RALB: variants seen among roughly 807,000 people sequenced by gnomAD.
RALB encodes the protein ras-related protein Ral-B.
RALB carries 16 observed loss-of-function variants against 21.3 expected under a neutral mutation model. The observed-to-expected ratio is 0.75, with a 90% CI of 0.51 to 1.14. The LOEUF is 1.14. RALB is among the 50% of genes most tolerant of loss of function. The pLI is 0.00. For missense variants in RALB, 161 were observed against 256.2 expected (o/e 0.63, Z 2.54); for synonymous variants, 93 against 96.1 (o/e 0.97, Z 0.19).
At chr2:120,248,701 A>G (rs1316816680), upstream of RALB, among the ~76,000 whole-genome samples, 1 of 152,208 alleles carries the variant, frequency 6.6e-6, no homozygotes, top group African/African-American at 2.4e-5. Context: ...CGTCCAGGCT[A>G]GGGTGCAGTG....
intron 1 of RALB, among the ~76,000 whole-genome samples, chr2:120,260,118 C>T (rs762348671): frequency 4.6e-5 from 7 of 152,260 alleles, no homozygotes; most frequent in Admixed American, 1.3e-4. Context: ...GCCCCGGTTC[C>T]TGCTCGTGCC....
intron 1 of RALB, among the ~76,000 whole-genome samples, chr2:120,273,380 G>A (rs890831675): frequency 2.0e-5 from 3 of 152,176 alleles, no homozygotes; most frequent in Non-Finnish European, 2.9e-5. Context: ...CATCTCAAAA[G>A]ACCAATCTTA....
At chr2:120,277,877 ATGAG>A (rs1689870078) in intron 1 of RALB, among the ~76,000 whole-genome samples, 1 of 149,522 alleles carries the variant, frequency 6.7e-6, no homozygotes, top group African/African-American at 2.5e-5. Flanking sequence ...ATGTGAGAAC[ATGAG>A]TGTGAAAATG....
intron 1 of RALB, among the ~76,000 whole-genome samples, chr2:120,267,948 T>C (rs945802883): frequency 2.0e-5 from 3 of 152,122 alleles, no homozygotes; most frequent in South Asian, 2.1e-4. Flanking sequence ...CGAGCCACCA[T>C]GCCCAGCTAA....
chr2:120,258,535 G>A (rs1280892636), intron 1 of RALB, among the ~76,000 whole-genome samples: 2 of 152,212 alleles, frequency 1.3e-5, no homozygotes, highest in African/African-American at 4.8e-5. Context: ...TTTAAGGAGC[G>A]TTAAGCACAG....
intron 1 of RALB, among the ~76,000 whole-genome samples, chr2:120,244,617 C>T (rs774556415): frequency 3.6e-5 from 5 of 139,906 alleles, no homozygotes; most frequent in Non-Finnish European, 7.4e-5. Flanking sequence ...GCCATTCCCT[C>T]ATCCATCCAT....
chr2:120,275,674 T>C (rs1034266584), intron 1 of RALB, among the ~76,000 whole-genome samples: 3 of 152,164 alleles, frequency 2.0e-5, no homozygotes, highest in Non-Finnish European at 4.4e-5. Flanking sequence ...CTAGTGGGGA[T>C]GTTTTCAGGC....
intron 1 of RALB, among the ~76,000 whole-genome samples, chr2:120,266,019 G>A (rs1237208985): frequency 5.9e-5 from 9 of 152,126 alleles, no homozygotes; most frequent in Non-Finnish European, 8.8e-5. Flanking sequence ...GGGTGGAGGA[G>A]GACTTTATTT....
chr2:120,253,064 C>T, intron 1 of RALB, 84 bp downstream of exon 1: 2 of 869,536 alleles, frequency 2.3e-6, no homozygotes, highest in Non-Finnish European at 2.8e-6. Context: ...CAGCCTCTTG[C>T]TCCCTCCGTG....
intron 1 of RALB, among the ~76,000 whole-genome samples, chr2:120,269,809 A>G (rs1689617499): frequency 6.6e-6 from 1 of 152,238 alleles, no homozygotes; most frequent in Non-Finnish European, 1.5e-5. Flanking sequence ...TTATTCTTGT[A>G]ATTATATCCT....
chr2:120,287,316 C>T (rs367602894), intron 3 of RALB, among the ~76,000 whole-genome samples: 3 of 152,122 alleles, frequency 2.0e-5, no homozygotes, highest in Middle Eastern at 3.2e-3. Flanking sequence ...GCTTCAGAGT[C>T]GAAGACCTAC....
chr2:120,258,832 G>A (rs922180168), intron 1 of RALB, among the ~76,000 whole-genome samples: 1 of 152,192 alleles, frequency 6.6e-6, no homozygotes, highest in African/African-American at 2.4e-5. Flanking sequence ...GTGGGTTCTT[G>A]GGCTCACTGA....
chr2:120,267,823 G>A (rs767484569), intron 1 of RALB, among the ~76,000 whole-genome samples: 3 of 151,992 alleles, frequency 2.0e-5, no homozygotes, highest in Non-Finnish European at 4.4e-5. Flanking sequence ...ATGGAGTCTC[G>A]CTGAGTTTGC....
At chr2:120,289,191 A>G (rs1690245619) in intron 3 of RALB, among the ~76,000 whole-genome samples, 1 of 151,996 alleles carries the variant, frequency 6.6e-6, no homozygotes, top group Non-Finnish European at 1.5e-5. Flanking sequence ...TTTTATGGAG[A>G]TAGTTCCCTT....
intron 1 of RALB, among the ~76,000 whole-genome samples, chr2:120,247,099 T>G (rs147712320): frequency 0.01 from 1,580 of 152,298 alleles, 16 homozygotes; most frequent in Non-Finnish European, 0.014. Flanking sequence ...GTACCAGATC[T>G]GCAGCTGTTG....
intron 4 of RALB, among the ~76,000 whole-genome samples, chr2:120,290,151 A>T (rs1690273136): frequency 6.6e-6 from 1 of 152,062 alleles, no homozygotes; most frequent in African/African-American, 2.4e-5. Flanking sequence ...GGTGTGCACC[A>T]CCACACTGGC....
chr2:120,287,601 G>A (rs536621380), intron 3 of RALB, among the ~76,000 whole-genome samples: 6 of 152,286 alleles, frequency 3.9e-5, no homozygotes, highest in African/African-American at 1.4e-4. Flanking sequence ...GAAGGGAAGT[G>A]GGCAGGAGAG....
intron 1 of RALB, among the ~76,000 whole-genome samples, chr2:120,243,231 A>G (rs1031924830): frequency 6.6e-6 from 1 of 152,218 alleles, no homozygotes; most frequent in Non-Finnish European, 1.5e-5. Context: ...AGAGAAGAGG[A>G]CAAGGGCCAT....
chr2:120,289,561 T>G lies in RALB; in HGVS notation c.324-19T>G. 6.2e-7 allele frequency: 1 copy of G among 1,609,504 alleles called. No homozygotes were observed. The highest frequency in any genetic ancestry group is 8.5e-7 in the Non-Finnish European group (1 of 1,177,076). On this transcript the variant is annotated intron_variant, in intron 3 of 4. Transcript: ENST00000272519. ...TCTTTAGTTTTTTTAGCTGCTGTAT[T>G]TTTGGTGTAACACCTTAGGGAACAG...
Sources: gnomAD v4.1 joint callset for allele counts (sites outside exome capture counted in the v4.1 genomes callset) on GRCh38, gnomAD v4.1.1 for gene constraint, MANE v1.5 for transcripts, NCBI Gene and HGNC (gene_info 2026-07-23, HGNC 2026-07-21) for gene names.